The following RORA variants were observed in gnomAD, a reference collection of about 807,000 sequenced individuals.
RORA encodes the protein RAR related orphan receptor A, also known as nuclear receptor ROR-alpha.
In RORA, 7 loss-of-function variants were observed where a neutral mutation model predicts 69.5. The ratio of observed to expected loss-of-function variants is 0.10; its 90% CI spans 0.06 to 0.19. The LOEUF (loss-of-function observed/expected upper bound fraction) is 0.19. Among genes scored for constraint, RORA ranks in the 10% least tolerant of loss-of-function variants. The probability of loss-of-function intolerance (pLI) is 1.00; values close to 1 mark genes in which losing one functional copy is unlikely to be tolerated. For missense variants in RORA, 457 were observed against 663.0 expected, an observed-to-expected ratio of 0.69 and a Z score of 3.41; for synonymous variants, 261 against 240.8, an observed-to-expected ratio of 1.08 and a Z score of -0.78.
At chr15:60,959,472 C>T (rs1308018751) in intron 1 of RORA, among the ~76,000 whole-genome samples, 1 of 152,056 alleles carries the variant, frequency 6.6e-6, no homozygotes, top group Non-Finnish European at 1.5e-5. Context: ...ATCAGTGTGT[C>T]CTGAAACACA....
intron 1 of RORA, among the ~76,000 whole-genome samples, chr15:60,734,821 C>T (rs927964274): frequency 3.3e-5 from 5 of 152,208 alleles, no homozygotes; most frequent in African/African-American, 1.2e-4. Flanking sequence ...GGCTAGAAAT[C>T]TCTGTGATAC....
At chr15:60,715,742 G>C (rs949324206) in intron 1 of RORA, among the ~76,000 whole-genome samples, 4 of 152,100 alleles carry the variant, frequency 2.6e-5, no homozygotes, top group African/African-American at 9.7e-5. Context: ...AGTTGTGTTT[G>C]TGTAAATGTA....
intron 1 of RORA, among the ~76,000 whole-genome samples, chr15:60,910,678 C>G (rs1270856258): frequency 6.6e-6 from 1 of 152,128 alleles, no homozygotes; most frequent in African/African-American, 2.4e-5. Context: ...GGTACAAACC[C>G]AGATTGGCTA....
At chr15:60,568,834 G>A (rs753512791) in intron 2 of RORA, among the ~76,000 whole-genome samples, 2 of 152,014 alleles carry the variant, frequency 1.3e-5, no homozygotes, top group Non-Finnish European at 2.9e-5. Context: ...AAGATTAGTT[G>A]CTTTGCAAGG....
chr15:60,836,345 A>G (rs2073115168), intron 1 of RORA, among the ~76,000 whole-genome samples: 1 of 152,092 alleles, frequency 6.6e-6, no homozygotes, highest in Non-Finnish European at 1.5e-5. Context: ...AAACTTGTAC[A>G]ATGACAGAAG....
intron 2 of RORA, among the ~76,000 whole-genome samples, chr15:60,638,079 C>G (rs891808322): frequency 6.6e-6 from 1 of 152,048 alleles, no homozygotes; most frequent in East Asian, 1.9e-4. Context: ...GAATTAGGTA[C>G]CTTTTGGTTC....
At chr15:61,041,499 T>A (rs1389224994) in intron 1 of RORA, among the ~76,000 whole-genome samples, 1 of 152,238 alleles carries the variant, frequency 6.6e-6, no homozygotes, top group Non-Finnish European at 1.5e-5. Context: ...TTATCTCATT[T>A]GAAGCTTATT....
chr15:60,768,689 G>A (rs887900619), intron 1 of RORA, among the ~76,000 whole-genome samples: 3 of 152,206 alleles, frequency 2.0e-5, no homozygotes, highest in Non-Finnish European at 2.9e-5. Context: ...ATCATAAGTG[G>A]TAAAATTAAG....
At chr15:60,612,641 A>ATCTC (rs1165309783) in intron 2 of RORA, among the ~76,000 whole-genome samples, 2 of 143,662 alleles carry the variant, frequency 1.4e-5, no homozygotes, top group Non-Finnish European at 3.0e-5. Flanking sequence ...ACCTAGAAGA[A>ATCTC]TCTCTCTCTC....
At chr15:61,008,374 C>T (rs778046146) in intron 1 of RORA, among the ~76,000 whole-genome samples, 3 of 151,942 alleles carry the variant, frequency 2.0e-5, no homozygotes, top group Non-Finnish European at 4.4e-5. Context: ...ATTTAGCTCT[C>T]TAAAGAGATC....
chr15:60,542,770 T>G (rs1444235790), intron 2 of RORA, among the ~76,000 whole-genome samples: 1 of 150,072 alleles, frequency 6.7e-6, no homozygotes, highest in Non-Finnish European at 1.5e-5. Flanking sequence ...CACACACAAG[T>G]CTATTCAGCT....
At chr15:60,815,052 C>A (rs533064318) in intron 1 of RORA, among the ~76,000 whole-genome samples, 13 of 152,118 alleles carry the variant, frequency 8.5e-5, no homozygotes, top group Admixed American at 7.8e-4. Flanking sequence ...TTTTTTCCCA[C>A]GGTTTGACCT....
At chr15:60,605,283 C>T (rs969530123) in intron 2 of RORA, among the ~76,000 whole-genome samples, 22 of 151,856 alleles carry the variant, frequency 1.4e-4, no homozygotes, top group African/African-American at 5.3e-4. Flanking sequence ...AGAGTTTGTA[C>T]TCTCTGGAAA....
chr15:61,005,125 G>A (rs192594002), intron 1 of RORA, among the ~76,000 whole-genome samples: 2 of 152,138 alleles, frequency 1.3e-5, no homozygotes, highest in Admixed American at 1.3e-4. Context: ...CAATCTGAGG[G>A]TTCAACAATA....
intron 1 of RORA, among the ~76,000 whole-genome samples, chr15:60,918,598 G>C (rs1363101066): frequency 6.6e-6 from 1 of 152,202 alleles, no homozygotes; most frequent in Non-Finnish European, 1.5e-5. Context: ...TTGTGGCTTT[G>C]TAAGAAAATG....
At position 60,511,658 on chromosome 15, in the gene RORA, C is replaced by T. The variant is rs776823548; in HGVS notation, c.425-37G>A. On this transcript the variant is annotated intron_variant, in intron 4 of 10. Transcript: ENST00000335670. The surrounding 1 kb of genome is among the most constrained non-coding windows in gnomAD (Gnocchi z 6.4). ...AAGCCAAACCATACTACATACAATG[C>T]GCTTTTCTTCAATATTCTCTCCTGC... The T allele has an allele frequency of 2.3e-5, 35 of 1,546,182 alleles. No homozygotes were observed. Among genetic ancestry groups the T allele is most frequent in the African/African-American group, 2.8e-5 (2 of 72,444 alleles).
chr15:60,846,803 C>A (rs1358013317), intron 1 of RORA, among the ~76,000 whole-genome samples: 2 of 152,234 alleles, frequency 1.3e-5, no homozygotes, highest in Non-Finnish European at 2.9e-5. Flanking sequence ...TTCTAATAAA[C>A]ATTGCTATTG....
At chr15:61,058,749 T>C (rs545149303) in intron 1 of RORA, among the ~76,000 whole-genome samples, 8 of 152,274 alleles carry the variant, frequency 5.3e-5, no homozygotes, top group African/African-American at 1.7e-4. Context: ...CACTGTATCA[T>C]CACACTGTAT....
chr15:60,990,852 G>A (rs1295448465), intron 1 of RORA, among the ~76,000 whole-genome samples: 1 of 152,098 alleles, frequency 6.6e-6, no homozygotes, highest in Admixed American at 6.5e-5. Context: ...AAAGTAGATG[G>A]AATCTCAAAA....
Sources: gnomAD v4.1 joint callset for allele counts (sites outside exome capture counted in the v4.1 genomes callset) on GRCh38, gnomAD v4.1.1 for gene constraint, Gnocchi (gnomAD v3.1) non-coding constraint, MANE v1.5 for transcripts, NCBI Gene and HGNC (gene_info 2026-07-23, HGNC 2026-07-21) for gene names.